Variants in SPNS2 observed in about 807,000 individuals in gnomAD.
SPNS2 encodes the protein SPNS lysolipid transporter 2, sphingosine-1-phosphate.
SPNS2 carries 37 observed loss-of-function variants against 57.6 expected under a neutral mutation model. That is an observed-to-expected ratio of 0.64 (90% CI 0.49 to 0.85). The LOEUF is 0.85. SPNS2 is among the 40% of genes least tolerant of loss of function. The probability of loss-of-function intolerance (pLI) is 0.00; values close to 1 mark genes in which losing one functional copy is unlikely to be tolerated. For synonymous variants in SPNS2, 440 were observed against 346.9 expected (o/e 1.27, Z -2.98); for missense variants, 831 against 779.1 (o/e 1.07, Z -0.79).
intron 1 of SPNS2, among the ~76,000 whole-genome samples, chr17:4,501,269 C>T (rs1567585921): frequency 1.3e-5 from 2 of 152,102 alleles, no homozygotes; most frequent in Non-Finnish European, 2.9e-5. Flanking sequence ...TTTCTGGCCC[C>T]AGACCACCCC....
chr17:4,533,127 C>G lies in SPNS2; in HGVS notation c.1086C>G (p.Asp362Glu), dbSNP rs1285647491. Residue 362 changes from aspartate to glutamate, a missense_variant and splice_region_variant, in exon 7 of 13, where the codon GAC becomes GAG. Transcript: ENST00000329078. ...TCNSPPCGAKDSLIFGAITCF... is the reference protein window; with the variant it reads ...TCNSPPCGAKESLIFGAITCF... Reference sequence around the variant, plus strand: ...ACAGCCCGCCCTGTGGGGCCAAGGACAGGTGGGGCCCCGCGGGGTGGGCCC... The same window carrying G: ...ACAGCCCGCCCTGTGGGGCCAAGGAGAGGTGGGGCCCCGCGGGGTGGGCCC... 1.2e-6 allele frequency: 2 copies of G among 1,607,986 alleles called. No individual in the cohort carries two copies. Among genetic ancestry groups the G allele is most frequent in the East Asian group, 2.2e-5 (1 of 44,738 alleles).
At position 4,499,099 on chromosome 17, in the gene SPNS2, G is replaced by A. The variant is rs1338815557; in HGVS notation, c.52G>A (p.Glu18Lys). ...GGCGGCGGGCGGCGCGGAGGAGGAG[G>A]AGGCGGACGCGGAGCGGCGGCGCCG... The part of the protein sequence containing the change: ...SAAAGGAEEE[E>K]ADAERRRRRR... The change falls in exon 1 of 13, where the codon GAG (glutamate) becomes AAG (lysine). Residue 18 changes from glutamate to lysine, a missense_variant. Physicochemically the swap from Glu to Lys is moderately conservative, Grantham distance 56 (BLOSUM62 1). Coordinates refer to ENST00000329078, the MANE Select transcript of SPNS2 (RefSeq NM_001124758.3). The surrounding 1 kb of genome is among the most constrained non-coding windows in gnomAD (Gnocchi z 5.2). The A allele has an allele frequency of 9.3e-7, 1 of 1,076,936 alleles. No homozygotes were observed. The highest frequency in any genetic ancestry group is 1.1e-6 in the Non-Finnish European group (1 of 891,042). The allele number at this position is 1,076,936 out of a possible 1,614,324, so 66.7% of individuals were successfully genotyped here. A position where few individuals can be genotyped will look rare whatever the true frequency, so the allele number is the denominator to read the frequency against.
At chr17:4,536,686 CTTCCTCTTACTTTCTGACTTCTTTCTCCT>C (rs1905830983) in intron 11 of SPNS2, 185 bp from the exon 12 acceptor site, 1 of 633,716 alleles carries the variant, frequency 1.6e-6, no homozygotes, top group Non-Finnish European at 2.7e-6. Context: ...GGCCCCTCCC[CTTCCTCTTACTTTCTGACTTCTTTCTCCT>C]TTCCTCTTTA....
intron 9 of SPNS2, among the ~76,000 whole-genome samples, chr17:4,534,127 C>G (rs897988581): frequency 1.3e-5 from 2 of 152,096 alleles, no homozygotes; most frequent in African/African-American, 4.8e-5. Flanking sequence ...GGGAGGCTGG[C>G]GGTGCCAGGC....
At chr17:4,525,003 G>T in intron 2 of SPNS2, 54 bp from the exon 3 acceptor site, 1 of 1,593,980 alleles carries the variant, frequency 6.3e-7, no homozygotes, top group South Asian at 1.1e-5. Context: ...AAATGGGCCG[G>T]GAGGCCGGGG....
Position 4,532,571 on chromosome 17 carries a change from A to G in SPNS2, c.822A>G (p.Gly274=), listed in dbSNP as rs1567595309. The G allele has an allele frequency of 6.2e-7, 1 of 1,614,060 alleles. No individual in the cohort carries two copies. Among genetic ancestry groups the G allele is most frequent in the Non-Finnish European group, 8.5e-7 (1 of 1,180,004 alleles). The part of the protein sequence containing the change: ...RVSPVLGMIT[G]TLILILVPAT... ...CCCCTGTCCTGGGCATGATCACAGG[A>G]ACACTCATCCTCATTCTGGTCCCAG... The change falls in exon 6 of 13, where the codon GGA becomes GGG. Residue 274 remains glycine (G), a synonymous_variant. Coordinates refer to ENST00000329078, the MANE Select transcript of SPNS2 (RefSeq NM_001124758.3).
chr17:4,535,943 G>C, intron 9 of SPNS2, 133 bp from the exon 10 acceptor site: 3 of 692,520 alleles, frequency 4.3e-6, no homozygotes, highest in South Asian at 3.7e-5. Flanking sequence ...GGGCCCAGGG[G>C]AGAGAGGTGT....
rs1238900283 is a variant in SPNS2, at chr17:4,498,987, G to A, written c.-61G>A. 4.1e-6 allele frequency: 4 copies of A among 967,448 alleles called. No homozygotes were observed. The South Asian group carries it at 1.4e-4, about 35-fold the overall frequency. 59.9% of individuals were successfully genotyped at this position (967,448 alleles called of 1,614,324 possible). On this transcript the variant is annotated 5_prime_UTR_variant, in exon 1 of 13. The change abolishes the stop of an existing upstream ORF in the 5' untranslated region. Transcript: ENST00000329078. ...CGGCTCCGCGGCGCACGCACGCGCT[G>A]AGCGGGCCCAGCCTGGGCCCCGCGC... is the stretch of plus-strand genomic sequence containing the variant.
Position 4,525,798 on chromosome 17 carries a change from C to T in SPNS2, c.573+605C>T, listed in dbSNP as rs140465280. Among the ~76,000 whole-genome samples the T allele has an allele frequency of 2.0e-3, 298 of 152,276 alleles. 4 individuals carry two copies. Among genetic ancestry groups the T allele is most frequent in the African/African-American group, 6.8e-3 (281 of 41,560 alleles). ...AAAATGGGGATAATACTTCCCAACT[C>T]GAAGGTTTCCCTTGAGAAGTAGCTG... On this transcript the variant is annotated intron_variant, in intron 3 of 12. Coordinates refer to ENST00000329078, the MANE Select transcript of SPNS2 (RefSeq NM_001124758.3).
chr17:4,508,652 C>A (rs560987935), intron 1 of SPNS2, among the ~76,000 whole-genome samples: 23 of 152,306 alleles, frequency 1.5e-4, no homozygotes, highest in Non-Finnish European at 3.4e-4. Context: ...TTCTGGGCGG[C>A]AATGGGGCTG....
chr17:4,536,201 CA>C, intron 10 of SPNS2, 27 bp downstream of exon 10: 2 of 1,607,816 alleles, frequency 1.2e-6, no homozygotes, highest in Middle Eastern at 1.7e-4. Flanking sequence ...TGGGGCTGGC[CA>C]GGGCAGGCTG....
In SPNS2 at chr17:4,536,113, C is replaced by T; in HGVS notation, c.1382C>T (p.Ala461Val). Residue 461 changes from alanine (A) to valine (V), a missense_variant, in exon 10 of 13, where the codon GCC becomes GTC. By Grantham distance (64) the Ala-to-Val change is moderately conservative. Coordinates refer to ENST00000329078, the MANE Select transcript of SPNS2 (RefSeq NM_001124758.3). ...VIPTRRATAV[A>V]LQSFTSHLLG... ...CCCACGCGGCGCGCCACTGCCGTGG[C>T]CTTGCAGAGCTTCACCTCCCACCTG... The T allele has an allele frequency of 6.2e-7, 1 of 1,612,514 alleles. No homozygotes were observed. The highest frequency in any genetic ancestry group is 8.5e-7 in the Non-Finnish European group (1 of 1,179,808).
Position 4,538,788 on chromosome 17 carries a change from C to A in SPNS2, c.*1340C>A. On this transcript the variant is annotated 3_prime_UTR_variant, in exon 13 of 13. Transcript: ENST00000329078. ...ACCAAGCTCTGGGGTACCCCGAGGG[C>A]CTGACAAGAGGATGGGGTGGGGGTG... The A allele has an allele frequency of 2.7e-6, 2 of 750,904 alleles. No individual in the cohort carries two copies. 46.5% of individuals were successfully genotyped at this position (750,904 alleles called of 1,614,324 possible). A position where few individuals can be genotyped will look rare whatever the true frequency, so the allele number is the denominator to read the frequency against.
At position 4,530,693 on chromosome 17, in the gene SPNS2, C is replaced by G. The variant is rs374944430; in HGVS notation, c.635C>G (p.Thr212Ser). ...LVGIGEASYS[T>S]IAPTIIGDLF... Reference sequence around the variant, plus strand: ...GGCATCGGGGAGGCCAGCTACTCCACCATCGCCCCCACTATCATTGGCGAC... The same window carrying G: ...GGCATCGGGGAGGCCAGCTACTCCAGCATCGCCCCCACTATCATTGGCGAC... The change falls in exon 4 of 13, where the codon ACC becomes AGC. Residue 212 changes from threonine (T) to serine (S), a missense_variant. This residue lies in a region of SPNS2 where 305 missense variants were observed against 378.3 expected (regional missense o/e 0.81). Coordinates refer to ENST00000329078, the MANE Select transcript of SPNS2 (RefSeq NM_001124758.3). The G allele has an allele frequency of 1.4e-5, 22 of 1,613,876 alleles. No individual in the cohort carries two copies. The highest frequency in any genetic ancestry group is 1.8e-5 in the Non-Finnish European group (21 of 1,179,972).
chr17:4,534,485 A>G, intron 9 of SPNS2: 1 of 157,014 alleles, frequency 6.4e-6, no homozygotes, highest in Non-Finnish European at 1.4e-5. Context: ...AGGAGGGGAC[A>G]GGAGAGAGTG....
At chr17:4,536,595 C>A in intron 11 of SPNS2, 169 bp downstream of exon 11, 1 of 903,294 alleles carries the variant, frequency 1.1e-6, no homozygotes, top group Non-Finnish European at 1.6e-6. Context: ...CAGGGTCAGC[C>A]TGGAGCTGTG....
chr17:4,532,760 C>G (rs1424731552), intron 6 of SPNS2, 76 bp downstream of exon 6: 2 of 1,530,324 alleles, frequency 1.3e-6, no homozygotes, highest in Non-Finnish European at 1.8e-6. Flanking sequence ...TGCAGGGCAG[C>G]CCACTAGCAC....
intron 4 of SPNS2, 40 bp from the exon 5 acceptor site, chr17:4,531,013 C>T (rs764054559): frequency 1.2e-6 from 2 of 1,610,232 alleles, no homozygotes; most frequent in South Asian, 1.1e-5. Context: ...GTCCCCAGCC[C>T]CTGTCTCTGC....
At chr17:4,532,777 C>G in intron 6 of SPNS2, 93 bp downstream of exon 6, 4 of 1,493,274 alleles carry the variant, frequency 2.7e-6, no homozygotes, top group Non-Finnish European at 2.7e-6. Flanking sequence ...GCACCCTCAG[C>G]CAGACACCCC....
Sources: gnomAD v4.1 joint callset for allele counts (sites outside exome capture counted in the v4.1 genomes callset) on GRCh38, gnomAD v4.1.1 for gene constraint, gnomAD v4.1.1 regional missense constraint, Gnocchi (gnomAD v3.1) non-coding constraint, MANE v1.5 for transcripts, NCBI Gene and HGNC (gene_info 2026-07-23, HGNC 2026-07-21) for gene names.